JPT1: variants seen among roughly 807,000 people sequenced by gnomAD.
JPT1 encodes Jupiter microtubule associated homolog 1.
Under a neutral mutation model 17.0 loss-of-function variants are expected in JPT1, and 5 were observed. The ratio of observed to expected loss-of-function variants is 0.29; its 90% CI spans 0.15 to 0.62. The LOEUF is 0.62. JPT1 is among the 20% of genes least tolerant of loss of function. JPT1 has a pLI of 0.85. For missense variants in JPT1, 158 were observed against 188.1 expected (o/e 0.84, Z 0.94); for synonymous variants, 71 against 73.6 (o/e 0.96, Z 0.18).
At chr17:75,149,594 C>T (rs2074506137) in intron 1 of JPT1, among the ~76,000 whole-genome samples, 1 of 152,088 alleles carries the variant, frequency 6.6e-6, no homozygotes, top group African/African-American at 2.4e-5. Context: ...CTCTTGATCT[C>T]CTGACCTCAT....
chr17:75,147,642 T>C lies in JPT1; in HGVS notation c.211A>G (p.Ser71Gly), dbSNP rs776559984. ...GACTCCAAGTCTTCCCTGCCACCAC[T>C]AGACTTGGCACCTAAAAATCAAAAT... ...SWAKSAGAKS[S>G]GGREDLESSG... is the part of the protein sequence containing the mutation. Residue 71 changes from serine to glycine, a missense_variant, in exon 3 of 5, where the codon AGT (serine) becomes GGT (glycine). By Grantham distance (56) the Ser-to-Gly change is moderately conservative. Coordinates refer to ENST00000409753, the MANE Select transcript of JPT1 (RefSeq NM_016185.4). 5.0e-6 allele frequency: 8 copies of C among 1,612,480 alleles called. No individual in the cohort carries two copies. In the East Asian group the frequency reaches 1.6e-4, roughly 31 times the overall value.
At chr17:75,151,969 CAAA>C (rs534793986) in intron 1 of JPT1, among the ~76,000 whole-genome samples, 1 of 116,898 alleles carries the variant, frequency 8.6e-6, no homozygotes. Flanking sequence ...AACTGCGTCT[CAAA>C]AAAAAAAAAA....
At chr17:75,136,316 T>C (rs545511755) in intron 4 of JPT1, 66 bp from the exon 5 acceptor site, 26 of 1,466,360 alleles carry the variant, frequency 1.8e-5, no homozygotes, top group Admixed American at 2.3e-5. Context: ...ATCAAGGATC[T>C]GTTTCTCTTT....
At position 75,135,990 on chromosome 17, in the gene JPT1, A is replaced by C; in HGVS notation, c.*112T>G. 1.2e-6 allele frequency: 2 copies of C among 1,606,082 alleles called. No individual in the cohort carries two copies. Among genetic ancestry groups the C allele is most frequent in the Non-Finnish European group, 1.7e-6 (2 of 1,175,378 alleles). On this transcript the variant is annotated 3_prime_UTR_variant, in exon 5 of 5. Coordinates refer to ENST00000409753, the MANE Select transcript of JPT1 (RefSeq NM_016185.4). Reference sequence around the variant, plus strand: ...AAAAAAAAAAAGACAGCAGTACATAAAGTGCTTCTTTTTAATGAAACAAAT... The same window carrying C: ...AAAAAAAAAAAGACAGCAGTACATACAGTGCTTCTTTTTAATGAAACAAAT...
chr17:75,144,322 A>G (rs1251915391), intron 4 of JPT1, among the ~76,000 whole-genome samples: 2 of 152,034 alleles, frequency 1.3e-5, no homozygotes, highest in East Asian at 1.9e-4. Context: ...CCTGTGTAAC[A>G]TAACATAGTG....
intron 4 of JPT1, among the ~76,000 whole-genome samples, chr17:75,145,032 C>T (rs558257460): frequency 1.3e-4 from 20 of 151,470 alleles, no homozygotes; most frequent in Admixed American, 2.6e-4. Flanking sequence ...GGCATGGTGC[C>T]GCGTGCCTGT....
chr17:75,146,617 T>A (rs12946505), intron 4 of JPT1, 49 bp downstream of exon 4: 1 of 1,396,890 alleles, frequency 7.2e-7, no homozygotes, highest in East Asian at 2.5e-5. Context: ...TTCAGATCTG[T>A]CCTAAAACCA....
Position 75,136,194 on chromosome 17 carries a change from G to A in JPT1, c.373C>T (p.Pro125Ser). Reference sequence around the variant, plus strand: ...ACCGGGCTGGGCACAGGCGCAGCAGGCACGGGCTTCTCTTCACTCTGCCCC... The same window carrying A: ...ACCGGGCTGGGCACAGGCGCAGCAGACACGGGCTTCTCTTCACTCTGCCCC... Reference protein sequence around the residue: ...SLGQSEEKPVPAAPVPSPVAP... With the variant: ...SLGQSEEKPVSAAPVPSPVAP... The change falls in exon 5 of 5, where the codon CCT becomes TCT. Residue 125 changes from proline to serine, a missense_variant. Transcript: ENST00000409753. The A allele has an allele frequency of 1.2e-6, 2 of 1,613,522 alleles. No individual in the cohort carries two copies. Among genetic ancestry groups the A allele is most frequent in the Non-Finnish European group, 1.7e-6 (2 of 1,179,650 alleles).
chr17:75,154,440 CA>C lies in JPT1; in HGVS notation c.-44del. 1 of 1,537,394 alleles carries C rather than the reference CA, an allele frequency of 6.5e-7. No individual in the cohort carries two copies. On this transcript the variant is annotated 5_prime_UTR_variant, in exon 1 of 5. Transcript: ENST00000409753. ...TAGGCTGGCGCCGGAGCAGAACGCT[CA>C]AAGGGTCGGACCCGAGGGGCGCTGG...
chr17:75,147,859 C>A, intron 2 of JPT1: 1 of 510,592 alleles, frequency 2.0e-6, no homozygotes, highest in Non-Finnish European at 3.6e-6. Flanking sequence ...ATTGGCTGGA[C>A]GTCATGGTGC....
At chr17:75,145,912 C>T (rs2074420480) in intron 4 of JPT1, 2 of 151,730 alleles carry the variant, frequency 1.3e-5, no homozygotes, top group South Asian at 4.2e-4. Flanking sequence ...CTCATCTCTA[C>T]TAAAAATAAA....
chr17:75,151,645 CAGTG>C (rs1372226798), intron 1 of JPT1, among the ~76,000 whole-genome samples: 2 of 149,442 alleles, frequency 1.3e-5, no homozygotes, highest in East Asian at 2.0e-4. Context: ...CCTGGCAACA[CAGTG>C]AGACTGTCTC....
At chr17:75,140,445 T>G (rs1053013479) in intron 4 of JPT1, among the ~76,000 whole-genome samples, 2 of 152,180 alleles carry the variant, frequency 1.3e-5, no homozygotes, top group African/African-American at 4.8e-5. Context: ...GGAAGAAATG[T>G]AGCCGACCAT....
At chr17:75,140,648 T>C (rs977298430) in intron 4 of JPT1, among the ~76,000 whole-genome samples, 4 of 152,190 alleles carry the variant, frequency 2.6e-5, no homozygotes, top group Non-Finnish European at 5.9e-5. Context: ...GGTTGACCTT[T>C]AATCCTCCAG....
chr17:75,136,119 T>C lies in JPT1; in HGVS notation c.448A>G (p.Ser150Gly), dbSNP rs1239520200. ...AGTCAGAGCTAACCCAAGACGAGGC[T>C]GGACTTGCCGCCAGGGGGATTTCTT... The part of the protein sequence containing the change: ...SRRNPPGGKS[S>G]LVLG Residue 150 changes from serine (S) to glycine (G), a missense_variant, in exon 5 of 5, where the codon AGC (serine) becomes GGC (glycine). By Grantham distance (56) the Ser-to-Gly change is moderately conservative. Transcript: ENST00000409753. 4 of 1,614,232 alleles carry C rather than the reference T, an allele frequency of 2.5e-6. No homozygotes were observed. Among genetic ancestry groups the C allele is most frequent in the Admixed American group, 3.3e-5 (2 of 60,030 alleles).
Position 75,135,973 on chromosome 17 carries a change from A to C in JPT1, c.*129T>G. On this transcript the variant is annotated 3_prime_UTR_variant, in exon 5 of 5. Coordinates refer to ENST00000409753, the MANE Select transcript of JPT1 (RefSeq NM_016185.4). ...ACCTGTTCTTCAAAAGAAAAAAAAAAAAGACAGCAGTACATAAAGTGCTTC... is the reference window on the plus strand; with the variant it reads ...ACCTGTTCTTCAAAAGAAAAAAAAACAAGACAGCAGTACATAAAGTGCTTC... The C allele has an allele frequency of 3.8e-6, 6 of 1,567,812 alleles. No homozygotes were observed. The highest frequency in any genetic ancestry group is 5.2e-6 in the Non-Finnish European group (6 of 1,158,434).
At chr17:75,140,844 C>T (rs963032413) in intron 4 of JPT1, among the ~76,000 whole-genome samples, 1 of 152,092 alleles carries the variant, frequency 6.6e-6, no homozygotes, top group African/African-American at 2.4e-5. Flanking sequence ...GTAATCCCGA[C>T]ACTTTGGGAG....
rs1215823467 is a variant in JPT1, at chr17:75,135,656, G to C, written c.*446C>G. 3 of 184,800 alleles carry C rather than the reference G, an allele frequency of 1.6e-5. No homozygotes were observed. The highest frequency in any genetic ancestry group is 7.0e-5 in the African/African-American group (3 of 42,730). 11.4% of individuals were successfully genotyped at this position (184,800 alleles called of 1,614,324 possible). The stretch of plus-strand genomic sequence containing the variant: ...GTCACAGGAGGAGGCTCTGAGCAAA[G>C]GCCACTGGCAAGTTAGGGCAACACC... On this transcript the variant is annotated 3_prime_UTR_variant, in exon 5 of 5. Coordinates refer to ENST00000409753, the MANE Select transcript of JPT1 (RefSeq NM_016185.4).
At chr17:75,142,747 A>T (rs1416851350) in intron 4 of JPT1, 3 of 456,042 alleles carry the variant, frequency 6.6e-6, no homozygotes, top group Non-Finnish European at 1.3e-5. Context: ...AGTGGAATCA[A>T]AAAACCTAGA....
Sources: gnomAD v4.1 joint callset for allele counts (sites outside exome capture counted in the v4.1 genomes callset) on GRCh38, gnomAD v4.1.1 for gene constraint, MANE v1.5 for transcripts, NCBI Gene and HGNC (gene_info 2026-07-23, HGNC 2026-07-21) for gene names.